CLYBL: variants seen among roughly 807,000 people sequenced by gnomAD.
CLYBL encodes citramalyl-CoA lyase, mitochondrial.
Under a neutral mutation model 38.9 loss-of-function variants are expected in CLYBL, and 31 were observed. The ratio of observed to expected loss-of-function variants is 0.80; its 90% confidence interval spans 0.60 to 1.08. The LOEUF (loss-of-function observed/expected upper bound fraction) is 1.08. Among genes scored for constraint, CLYBL ranks in the 50% least tolerant of loss-of-function variants. CLYBL has a pLI of 0.00. For synonymous variants in CLYBL, 171 were observed against 158.6 expected, an observed-to-expected ratio of 1.08 and a Z score of -0.59; for missense variants, 434 against 411.6, an observed-to-expected ratio of 1.05 and a Z score of -0.47.
intron 2 of CLYBL, among the ~76,000 whole-genome samples, chr13:99,852,739 A>T (rs1257947314): frequency 6.6e-6 from 1 of 151,968 alleles, no homozygotes; most frequent in Non-Finnish European, 1.5e-5. Flanking sequence ...TCCCCCCTAC[A>T]CTTTATTAAA....
chr13:99,614,766 G>A (rs1303623489), intron 1 of CLYBL, among the ~76,000 whole-genome samples: 1 of 148,970 alleles, frequency 6.7e-6, no homozygotes, highest in Non-Finnish European at 1.5e-5. Context: ...GAGAGGCCAA[G>A]GAGTCAGGGG....
At chr13:99,754,087 C>CAAAA (rs71121003) in intron 1 of CLYBL, among the ~76,000 whole-genome samples, 8,749 of 45,200 alleles carry the variant, frequency 0.19, 2,484 homozygotes, top group Non-Finnish European at 0.32. Context: ...AACTCGGTCT[C>CAAAA]AAAAAAAAAA....
At chr13:99,653,757 G>A (rs2047289027) in intron 1 of CLYBL, among the ~76,000 whole-genome samples, 1 of 152,030 alleles carries the variant, frequency 6.6e-6, no homozygotes, top group African/African-American at 2.4e-5. Context: ...CGCTGACAGT[G>A]TGGTTTTGGT....
rs528150097 is a variant in CLYBL at position 99,880,284 on chromosome 13, C to T, written c.927+9222C>T. 7.2e-5 allele frequency among the ~76,000 whole-genome samples: 11 copies of T among 151,922 alleles called. 2 individuals carry two copies. Among genetic ancestry groups the T allele is most frequent in the African/African-American group, 1.9e-4 (8 of 41,424 alleles). On this transcript the variant is annotated intron_variant, in intron 7 of 8. Coordinates refer to ENST00000339105, the MANE Select transcript of CLYBL (RefSeq NM_206808.5). ...TTCACCATGTTGGCCAGGCTGGTCT[C>T]GAACTCCTGACCTCAAGTGATCTGC...
chr13:99,703,091 A>G (rs1359874221), intron 1 of CLYBL, among the ~76,000 whole-genome samples: 3 of 152,208 alleles, frequency 2.0e-5, no homozygotes, highest in African/African-American at 7.2e-5. Flanking sequence ...ATTTCACTGA[A>G]CCCAGACTAT....
chr13:99,715,373 C>G (rs1263237587), intron 1 of CLYBL, among the ~76,000 whole-genome samples: 1 of 151,758 alleles, frequency 6.6e-6, no homozygotes, highest in Non-Finnish European at 1.5e-5. Context: ...AGGTTAAGGT[C>G]TAAGTGCTCT....
At chr13:99,847,444 G>A (rs1389531014) in intron 2 of CLYBL, among the ~76,000 whole-genome samples, 1 of 152,198 alleles carries the variant, frequency 6.6e-6, no homozygotes, top group Non-Finnish European at 1.5e-5. Context: ...GAGAAGTGGG[G>A]AAACATAAAT....
At chr13:99,652,401 G>C (rs968588115) in intron 1 of CLYBL, among the ~76,000 whole-genome samples, 7 of 152,150 alleles carry the variant, frequency 4.6e-5, no homozygotes, top group African/African-American at 1.7e-4. Context: ...GAGCAAGCAG[G>C]GAAGTTGTCC....
chr13:99,873,085 C>T (rs547139696), intron 7 of CLYBL, among the ~76,000 whole-genome samples: 1 of 152,166 alleles, frequency 6.6e-6, no homozygotes, highest in East Asian at 1.9e-4. Context: ...CTTCCCTGCC[C>T]CATTTGTGGA....
In CLYBL at chr13:99,891,365, G is replaced by A. The variant is rs763495367; in HGVS notation, c.975G>A (p.Lys325=). 59 of 1,613,854 alleles carry A rather than the reference G, an allele frequency of 3.7e-5. No individual in the cohort carries two copies. In the East Asian group the frequency reaches 1.3e-3, roughly 35 times the overall value. Residue 325 remains lysine, a synonymous_variant, in exon 8 of 9, where the codon AAG becomes AAA. Transcript: ENST00000339105. ...QGSMIDMPLL[K]QAQNTVTLAT... Reference sequence around the variant, plus strand: ...GTATGATCGACATGCCATTACTGAAGCAGGCCCAGAACACTGTTACGCTTG... The same window carrying A: ...GTATGATCGACATGCCATTACTGAAACAGGCCCAGAACACTGTTACGCTTG...
chr13:99,812,901 T>C (rs191327181), intron 2 of CLYBL, among the ~76,000 whole-genome samples: 38 of 152,318 alleles, frequency 2.5e-4, no homozygotes, highest in Non-Finnish European at 1.3e-4. Flanking sequence ...ACTGCTGAAA[T>C]TGATTTGGCT....
intron 1 of CLYBL, among the ~76,000 whole-genome samples, chr13:99,757,876 A>G (rs1054027485): frequency 3.3e-5 from 5 of 152,230 alleles, no homozygotes; most frequent in African/African-American, 9.6e-5. Context: ...GGGGACTGCA[A>G]CGTGCCACCA....
chr13:99,757,050 C>A (rs7328417), intron 1 of CLYBL, among the ~76,000 whole-genome samples: 33,861 of 151,766 alleles, frequency 0.22, 4,690 homozygotes, highest in East Asian at 0.45. Flanking sequence ...GCTTGCACCA[C>A]CACACCGGCC....
chr13:99,817,904 T>A (rs1242026210), intron 2 of CLYBL, among the ~76,000 whole-genome samples: 1 of 151,878 alleles, frequency 6.6e-6, no homozygotes, highest in Non-Finnish European at 1.5e-5. Flanking sequence ...CATGGGAGTC[T>A]GAGGCAGGAG....
At chr13:99,773,067 C>T (rs545797010) in intron 2 of CLYBL, 57 bp downstream of exon 2, 33 of 1,436,998 alleles carry the variant, frequency 2.3e-5, no homozygotes, top group Admixed American at 4.1e-5. Context: ...GCTTCTCTTC[C>T]GAATAGTGAC....
rs1311983466 is a variant in CLYBL at position 99,855,588 on chromosome 13, T to G, written c.250-3273T>G. ...CGCTGTTAGCAAGAAGTACAGTGTG[T>G]GTGGCAGAGAGAGGGAAAAAGAGAA... On this transcript the variant is annotated intron_variant, in intron 2 of 8. Transcript: ENST00000339105. 2.0e-5 allele frequency among the ~76,000 whole-genome samples: 3 copies of G among 152,234 alleles called. No individual in the cohort carries two copies. The East Asian group carries it at 5.8e-4, about 29-fold the overall frequency.
chr13:99,768,186 C>CCTTTTCTTTTTTTTTTTTTTTTTTTTTT (rs1566318728), intron 1 of CLYBL, among the ~76,000 whole-genome samples: 1 of 83,950 alleles, frequency 1.2e-5, no homozygotes. Context: ...CAAGTCTTTT[C>CCTTTTCTTTTTTTTTTTTTTTTTTTTTT]TTTTTCTTTT....
At chr13:99,617,826 G>A (rs1264246896) in intron 1 of CLYBL, among the ~76,000 whole-genome samples, 1 of 152,026 alleles carries the variant, frequency 6.6e-6, no homozygotes, top group Non-Finnish European at 1.5e-5. Flanking sequence ...CAGCCTCACC[G>A]GCCTCCTCTT....
intron 7 of CLYBL, among the ~76,000 whole-genome samples, chr13:99,879,818 T>G (rs1176093219): frequency 6.6e-6 from 1 of 152,044 alleles, no homozygotes; most frequent in Non-Finnish European, 1.5e-5. Context: ...TAAGTGGAAT[T>G]AAATAATCTC....
Sources: gnomAD v4.1 joint callset for allele counts (sites outside exome capture counted in the v4.1 genomes callset) on GRCh38, gnomAD v4.1.1 for gene constraint, MANE v1.5 for transcripts, NCBI Gene and HGNC (gene_info 2026-07-23, HGNC 2026-07-21) for gene names.